Variants in PTPRM observed in about 807,000 individuals in gnomAD.
PTPRM encodes the protein receptor-type tyrosine-protein phosphatase mu.
Under a neutral mutation model 186.7 loss-of-function variants are expected in PTPRM, and 47 were observed. The ratio of observed to expected loss-of-function variants is 0.25; its 90% CI spans 0.20 to 0.32. The LOEUF is 0.32. PTPRM is among the 10% of genes least tolerant of loss of function. PTPRM has a pLI of 1.00. For synonymous variants in PTPRM, 668 were observed against 674.9 expected (o/e 0.99, Z 0.16); for missense variants, 1,494 against 1,865.0 (o/e 0.80, Z 3.66).
At chr18:8,383,332 G>C (rs1269011324) in intron 29 of PTPRM, among the ~76,000 whole-genome samples, 1 of 93,062 alleles carries the variant, frequency 1.1e-5, no homozygotes, top group Non-Finnish European at 2.2e-5. Context: ...AAAAAAAAAG[G>C]TAGATGCTAC....
chr18:8,308,116 T>C (rs1007631775), intron 20 of PTPRM, among the ~76,000 whole-genome samples: 1 of 152,240 alleles, frequency 6.6e-6, no homozygotes, highest in Non-Finnish European at 1.5e-5. Context: ...AGAAAAACTT[T>C]AGACAAATTA....
chr18:7,945,853 T>C lies in PTPRM; in HGVS notation c.664-3328T>C, dbSNP rs1445795706. On this transcript the variant is annotated intron_variant, in intron 5 of 32. Transcript: ENST00000580170. ...CTGAATCCATGCACACATGAATGGT[T>C]TAATACAAAATGGCCTGCAGATTTG... is the stretch of plus-strand genomic sequence containing the variant. 3.3e-5 allele frequency among the ~76,000 whole-genome samples: 5 copies of C among 152,198 alleles called. No homozygotes were observed. In the South Asian group the frequency reaches 1.0e-3, roughly 32 times the overall value.
intron 3 of PTPRM, among the ~76,000 whole-genome samples, chr18:7,892,276 A>C (rs781675865): frequency 6.6e-6 from 1 of 152,228 alleles, no homozygotes; most frequent in Non-Finnish European, 1.5e-5. Context: ...CCTTGGCTGC[A>C]GTCAGACGTG....
chr18:8,113,860 A>G (rs2091854714), intron 12 of PTPRM, 101 bp downstream of exon 12: 1 of 1,176,330 alleles, frequency 8.5e-7, no homozygotes, highest in South Asian at 1.8e-5. Context: ...GCTTTTCTGC[A>G]TTTCTACTTG....
At chr18:7,681,951 A>G (rs547130967) in intron 1 of PTPRM, among the ~76,000 whole-genome samples, 1 of 152,372 alleles carries the variant, frequency 6.6e-6, no homozygotes, top group African/African-American at 2.4e-5. Context: ...GCAAACACTC[A>G]TGAGGGCTGA....
intron 9 of PTPRM, among the ~76,000 whole-genome samples, chr18:8,083,482 G>C (rs967243147): frequency 6.6e-6 from 1 of 152,044 alleles, no homozygotes; most frequent in Non-Finnish European, 1.5e-5. Context: ...ACATCTCAGT[G>C]GGCCCTTCCC....
At chr18:8,053,545 G>C (rs1398234607) in intron 7 of PTPRM, among the ~76,000 whole-genome samples, 3 of 152,136 alleles carry the variant, frequency 2.0e-5, no homozygotes, top group African/African-American at 7.2e-5. Context: ...ACACCACACT[G>C]TGTAGTTACT....
At chr18:8,405,909 A>G (rs2095903535) in intron 32 of PTPRM, among the ~76,000 whole-genome samples, 200 bp from the exon 33 acceptor site, 1 of 152,172 alleles carries the variant, frequency 6.6e-6, no homozygotes, top group African/African-American at 2.4e-5. Context: ...GTAGCAAAAT[A>G]CCTTCCACCC....
chr18:7,921,669 C>T (rs55869040), intron 4 of PTPRM, among the ~76,000 whole-genome samples: 40,250 of 151,876 alleles, frequency 0.27, 5,646 homozygotes, highest in East Asian at 0.44. Flanking sequence ...CGTGAGCCAC[C>T]GCACCCGGCC....
chr18:8,402,117 G>C (rs1258800445), intron 32 of PTPRM, among the ~76,000 whole-genome samples: 1 of 152,214 alleles, frequency 6.6e-6, no homozygotes, highest in Non-Finnish European at 1.5e-5. Flanking sequence ...AGTGAGCTGA[G>C]AGAGGAAACT....
chr18:7,725,703 G>A (rs2040534593), intron 1 of PTPRM, among the ~76,000 whole-genome samples: 1 of 152,112 alleles, frequency 6.6e-6, no homozygotes, highest in South Asian at 2.1e-4. Flanking sequence ...TTCTGGCCAG[G>A]ACGGCTGGAC....
At chr18:8,146,406 G>T (rs1222556755) in intron 14 of PTPRM, among the ~76,000 whole-genome samples, 2 of 152,030 alleles carry the variant, frequency 1.3e-5, no homozygotes, top group African/African-American at 4.8e-5. Flanking sequence ...AACGACCGGT[G>T]ATGATAAGCA....
At position 7,906,507 on chromosome 18, in the gene PTPRM, G is replaced by A. The variant is rs1454701398; in HGVS notation, c.471G>A (p.Val157=). ...ISTFWPNFYQ[V]IFEVITSGHQ... is the part of the protein sequence containing the mutation. ...GTAAATCTTTCTTAATTTTCCAGGT[G>A]ATTTTTGAAGTGATAACTTCTGGAC... The change falls in exon 4 of 33, where the codon GTG becomes GTA. Residue 157 remains valine (V), a splice_region_variant and synonymous_variant. Coordinates refer to ENST00000580170, the MANE Select transcript of PTPRM (RefSeq NM_001105244.2). 1 of 1,610,162 alleles carries A rather than the reference G, an allele frequency of 6.2e-7. No homozygotes were observed. The highest frequency in any genetic ancestry group is 8.5e-7 in the Non-Finnish European group (1 of 1,176,458).
chr18:8,334,078 G>A (rs1238159267), intron 22 of PTPRM, among the ~76,000 whole-genome samples: 1 of 152,218 alleles, frequency 6.6e-6, no homozygotes, highest in Non-Finnish European at 1.5e-5. Flanking sequence ...GCTGGAGTAG[G>A]TGCCTCACAC....
intron 1 of PTPRM, among the ~76,000 whole-genome samples, chr18:7,574,007 G>T (rs1414874725): frequency 1.3e-5 from 2 of 152,168 alleles, no homozygotes; most frequent in African/African-American, 4.8e-5. Flanking sequence ...ATGAGGCCCG[G>T]CAATCTGTGT....
intron 1 of PTPRM, among the ~76,000 whole-genome samples, chr18:7,601,799 C>A (rs140215299): frequency 6.6e-6 from 1 of 152,232 alleles, no homozygotes; most frequent in East Asian, 1.9e-4. Flanking sequence ...CCTGCTACAC[C>A]CGGGTAACAG....
chr18:8,069,621 G>A (rs1269274203), intron 7 of PTPRM, 65 bp from the exon 8 acceptor site: 2 of 1,388,196 alleles, frequency 1.4e-6, no homozygotes, highest in Admixed American at 2.1e-5. Context: ...TGTGACCTTT[G>A]GGATTGACCT....
chr18:8,212,077 T>C (rs939350636), intron 14 of PTPRM, among the ~76,000 whole-genome samples: 10 of 152,160 alleles, frequency 6.6e-5, no homozygotes, highest in African/African-American at 2.4e-4. Context: ...TCAAGACCTT[T>C]GTTGAATGAA....
At chr18:7,610,414 T>C (rs933036542) in intron 1 of PTPRM, among the ~76,000 whole-genome samples, 1 of 152,192 alleles carries the variant, frequency 6.6e-6, no homozygotes, top group African/African-American at 2.4e-5. Flanking sequence ...CTCCAACCAG[T>C]GTCCTCCAGA....
Sources: allele counts gnomAD v4.1 joint callset (sites outside exome capture counted in the v4.1 genomes callset), GRCh38; gene constraint gnomAD v4.1.1; transcripts MANE v1.5; gene names NCBI Gene and HGNC (gene_info 2026-07-23, HGNC 2026-07-21).